The following ANAPC1 variants were observed in gnomAD, a reference collection of about 807,000 sequenced individuals.
ANAPC1 encodes the protein anaphase-promoting complex subunit 1.
ANAPC1 carries 36 observed loss-of-function variants against 208.0 expected under a neutral mutation model. The observed-to-expected ratio is 0.17, with a 90% CI of 0.13 to 0.23. The LOEUF (loss-of-function observed/expected upper bound fraction) is 0.23, where lower values mean the gene tolerates loss of function less well. Ranked by LOEUF, ANAPC1 falls within the 10% of genes least tolerant of loss-of-function variation. ANAPC1 has a pLI of 1.00. For synonymous variants in ANAPC1, 378 were observed against 695.2 expected, an observed-to-expected ratio of 0.54 and a Z score of 7.18; for missense variants, 942 against 2,011.6, an observed-to-expected ratio of 0.47 and a Z score of 10.17.
chr2:111,881,430 C>G (rs1182071607), intron 1 of ANAPC1, among the ~76,000 whole-genome samples: 1 of 152,184 alleles, frequency 6.6e-6, no homozygotes, highest in Non-Finnish European at 1.5e-5. Context: ...TAACTACAAT[C>G]AATTTCAATT....
At chr2:111,869,813 C>A (rs1244334880) in intron 6 of ANAPC1, among the ~76,000 whole-genome samples, 1 of 152,184 alleles carries the variant, frequency 6.6e-6, no homozygotes, top group Non-Finnish European at 1.5e-5. Flanking sequence ...CACCTGTCAC[C>A]TGTGTAGTGT....
rs878980413 is a variant in ANAPC1 at position 111,792,117 on chromosome 2, G to A, written c.4712+245C>T. On this transcript the variant is annotated intron_variant, in intron 38 of 47. Coordinates refer to ENST00000341068, the MANE Select transcript of ANAPC1 (RefSeq NM_022662.4). ...ACAAGCAGTGATGCACTGAAGAACCGAGCACAGACTATTCTGAGAAATACA... is the reference window on the plus strand; with the variant it reads ...ACAAGCAGTGATGCACTGAAGAACCAAGCACAGACTATTCTGAGAAATACA... 4.6e-5 allele frequency among the ~76,000 whole-genome samples: 7 copies of A among 151,788 alleles called. No individual in the cohort carries two copies. The South Asian group carries it at 1.3e-3, about 27-fold the overall frequency.
chr2:111,865,394 T>C (rs962337587), intron 7 of ANAPC1, among the ~76,000 whole-genome samples: 1 of 152,116 alleles, frequency 6.6e-6, no homozygotes, highest in Non-Finnish European at 1.5e-5. Flanking sequence ...ACACTGTTGT[T>C]TCTGCTTTAC....
chr2:111,863,952 T>G lies in ANAPC1; in HGVS notation c.832-57A>C, dbSNP rs1354635859. On this transcript the variant is annotated intron_variant, in intron 8 of 47. Transcript: ENST00000341068. Reference sequence around the variant, plus strand: ...AAAAAAAACAATAATTAGAATAAAGTAGCAATTTCCTTGTAAGAATGCAAG... The same window carrying G: ...AAAAAAAACAATAATTAGAATAAAGGAGCAATTTCCTTGTAAGAATGCAAG... 6.0e-6 allele frequency: 9 copies of G among 1,500,680 alleles called. No homozygotes were observed. The East Asian group carries it at 1.7e-4, about 28-fold the overall frequency. 93.0% of individuals were successfully genotyped at this position (1,500,680 alleles called of 1,614,324 possible). A position where few individuals can be genotyped will look rare whatever the true frequency, so the allele number is the denominator to read the frequency against.
intron 28 of ANAPC1, among the ~76,000 whole-genome samples, chr2:111,814,834 A>T: frequency 6.9e-6 from 1 of 145,400 alleles, no homozygotes; most frequent in Non-Finnish European, 1.5e-5. Flanking sequence ...AAACCAAGCT[A>T]CAAGTTCTGG....
intron 7 of ANAPC1, 78 bp downstream of exon 7, chr2:111,867,943 CAT>C: frequency 1.2e-6 from 1 of 842,122 alleles, no homozygotes; most frequent in East Asian, 2.7e-5. Context: ...AGTCAGTTTT[CAT>C]ATAAGCGCCT....
intron 14 of ANAPC1, among the ~76,000 whole-genome samples, chr2:111,849,584 C>A (rs950399633): frequency 6.6e-6 from 1 of 152,208 alleles, no homozygotes; most frequent in Non-Finnish European, 1.5e-5. Flanking sequence ...CTTGGTAAAT[C>A]CAGGTACCTT....
chr2:111,870,844 C>T (rs985773347), intron 6 of ANAPC1, among the ~76,000 whole-genome samples: 2 of 152,116 alleles, frequency 1.3e-5, no homozygotes, highest in Non-Finnish European at 1.5e-5. Flanking sequence ...AGCCTTTCAT[C>T]CCTCTTGAAC....
intron 19 of ANAPC1, 113 bp downstream of exon 19, chr2:111,834,491 A>G: frequency 8.2e-7 from 1 of 1,216,122 alleles, no homozygotes; most frequent in Non-Finnish European, 1.1e-6. Context: ...TTTTCTGAGA[A>G]GGTAGATTTC....
chr2:111,873,752 T>C (rs183521793), intron 3 of ANAPC1, 88 bp from the exon 4 acceptor site: 7 of 1,416,888 alleles, frequency 4.9e-6, no homozygotes, highest in Non-Finnish European at 6.5e-6. Context: ...AATAATAGCA[T>C]CTACGTAATA....
In ANAPC1 at chr2:111,843,482, C is replaced by T; in HGVS notation, c.1970G>A (p.Trp657Ter). ...APGGPSYHSEWNLFVTCLMNM... is the reference protein window; with the variant it reads ...APGGPSYHSE ...CATGAGACAAGTCACAAATAAATTC[C>T]ACTCTGAGTGATAACTGGGTCCTCC... The change falls in exon 17 of 48, where the codon TGG becomes TAG. Residue 657 changes from tryptophan (W) to a stop codon, truncating the protein, a stop_gained. Coordinates refer to ENST00000341068, the MANE Select transcript of ANAPC1 (RefSeq NM_022662.4). LOFTEE classifies it high-confidence loss of function. 2 of 1,611,938 alleles carry T rather than the reference C, an allele frequency of 1.2e-6. No homozygotes were observed. Among genetic ancestry groups the T allele is most frequent in the Non-Finnish European group, 8.5e-7 (1 of 1,179,844 alleles).
intron 24 of ANAPC1, among the ~76,000 whole-genome samples, chr2:111,824,689 T>A (rs1177214478): frequency 2.0e-5 from 3 of 152,234 alleles, no homozygotes; most frequent in Non-Finnish European, 4.4e-5. Flanking sequence ...GAGTTCTCCA[T>A]TCTCAGAGAC....
chr2:111,782,322 G>A (rs762813415), intron 43 of ANAPC1, 47 bp downstream of exon 43: 1 of 1,612,130 alleles, frequency 6.2e-7, no homozygotes, highest in Non-Finnish European at 8.5e-7. Context: ...GAGGAAGCCG[G>A]CAATTTAGAA....
Position 111,883,965 on chromosome 2 carries a change from G to A in ANAPC1, c.-48C>T, listed in dbSNP as rs1683473948. On this transcript the variant is annotated 5_prime_UTR_variant, in exon 1 of 48. Coordinates refer to ENST00000341068, the MANE Select transcript of ANAPC1 (RefSeq NM_022662.4). ...ACCTGTATAACTCGGGACGCGTCAG[G>A]CGCGGCGAGCCCCGGCTGCTCCCCG... 1 of 152,344 alleles carries A rather than the reference G, an allele frequency of 6.6e-6. No homozygotes were observed. The highest frequency in any genetic ancestry group is 2.1e-4 in the South Asian group (1 of 4,842). 9.4% of individuals were successfully genotyped at this position (152,344 alleles called of 1,614,324 possible). A position where few individuals can be genotyped will look rare whatever the true frequency, so the allele number is the denominator to read the frequency against.
At chr2:111,872,128 T>A (rs1224239843) in intron 6 of ANAPC1, among the ~76,000 whole-genome samples, 1 of 152,184 alleles carries the variant, frequency 6.6e-6, no homozygotes, top group African/African-American at 2.4e-5. Context: ...GGCTGTGGGT[T>A]TGTTGTATAT....
intron 17 of ANAPC1, among the ~76,000 whole-genome samples, chr2:111,839,673 C>A (rs1680656494): frequency 6.6e-6 from 1 of 152,158 alleles, no homozygotes. Context: ...TTATAAAAAA[C>A]CTGGTAGTAA....
intron 2 of ANAPC1, 28 bp from the exon 3 acceptor site, chr2:111,878,999 T>C (rs751647654): frequency 6.3e-7 from 1 of 1,592,180 alleles, no homozygotes; most frequent in South Asian, 1.1e-5. Flanking sequence ...GTAAAACATA[T>C]TCAAGCACTC....
intron 25 of ANAPC1, 104 bp from the exon 26 acceptor site, chr2:111,821,557 G>A (rs538692931): frequency 7.8e-7 from 1 of 1,289,028 alleles, no homozygotes; most frequent in Non-Finnish European, 1.1e-6. Flanking sequence ...TACTAGCACA[G>A]AGAAAATATG....
intron 21 of ANAPC1, among the ~76,000 whole-genome samples, chr2:111,830,658 C>A (rs1216934193): frequency 6.6e-6 from 1 of 152,088 alleles, no homozygotes; most frequent in Non-Finnish European, 1.5e-5. Flanking sequence ...ACATCATTAG[C>A]CATTAGGAAA....
Sources: allele counts gnomAD v4.1 joint callset (sites outside exome capture counted in the v4.1 genomes callset), GRCh38; gene constraint gnomAD v4.1.1; transcripts MANE v1.5; gene names NCBI Gene and HGNC (gene_info 2026-07-23, HGNC 2026-07-21).